Variants in ARHGAP18 observed in about 807,000 individuals in gnomAD.
The protein encoded by ARHGAP18 is rho GTPase-activating protein 18.
A neutral mutation model predicts 86.2 loss-of-function variants in ARHGAP18; 67 were observed. That is an observed-to-expected ratio of 0.78 (90% CI 0.64 to 0.95). The LOEUF is 0.95. Ranked by LOEUF, ARHGAP18 falls within the 40% of genes least tolerant of loss-of-function variation. ARHGAP18 has a pLI of 0.00. For synonymous variants in ARHGAP18, 283 were observed against 280.4 expected, an observed-to-expected ratio of 1.01 and a Z score of -0.09; for missense variants, 691 against 780.4, an observed-to-expected ratio of 0.89 and a Z score of 1.37.
intron 5 of ARHGAP18, among the ~76,000 whole-genome samples, chr6:129,621,274 G>A (rs890740061): frequency 6.6e-6 from 1 of 152,144 alleles, no homozygotes; most frequent in African/African-American, 2.4e-5. Context: ...ATGACTTTTA[G>A]TAAGTGAGAA....
At chr6:129,646,544 C>T (rs972167839) in intron 1 of ARHGAP18, among the ~76,000 whole-genome samples, 30 of 152,130 alleles carry the variant, frequency 2.0e-4, no homozygotes, top group African/African-American at 6.7e-4. Context: ...TAATATTAAA[C>T]GCAGAAACAA....
intron 1 of ARHGAP18, among the ~76,000 whole-genome samples, chr6:129,652,231 G>C (rs1217984197): frequency 2.0e-5 from 3 of 152,176 alleles, no homozygotes; most frequent in Non-Finnish European, 4.4e-5. Flanking sequence ...TATTAAAGTT[G>C]TTCTTTCCCA....
intron 12 of ARHGAP18, among the ~76,000 whole-genome samples, chr6:129,598,072 T>C (rs374479041): frequency 2.0e-5 from 3 of 152,150 alleles, no homozygotes; most frequent in South Asian, 4.1e-4. Context: ...AGTCACTTAA[T>C]ATGAATAAGA....
chr6:129,625,143 T>G (rs376799316), intron 5 of ARHGAP18, among the ~76,000 whole-genome samples: 2,416 of 17,208 alleles, frequency 0.14, 468 homozygotes, highest in Middle Eastern at 0.33. Flanking sequence ...TGATATATAT[T>G]ATATATTATA....
chr6:129,620,052 G>A lies in ARHGAP18; in HGVS notation c.787-1200C>T, dbSNP rs185964075. 4.1e-4 allele frequency among the ~76,000 whole-genome samples: 63 copies of A among 152,240 alleles called. No individual in the cohort carries two copies. In the South Asian group the frequency reaches 0.011, roughly 26 times the overall value. ...CCCAGCACTGCCCAAGTGCTTTTAT[G>A]TGGTTGCTACTGCAGGTTGAGTACA... On this transcript the variant is annotated intron_variant, in intron 5 of 14. Transcript: ENST00000368149.
intron 1 of ARHGAP18, among the ~76,000 whole-genome samples, chr6:129,658,250 C>A (rs1159346772): frequency 6.6e-6 from 1 of 152,310 alleles, no homozygotes; most frequent in Admixed American, 6.5e-5. Context: ...ATTTCACCTG[C>A]CACTTTGCCT....
chr6:129,689,258 C>T lies in ARHGAP18; in HGVS notation c.113+20766G>A, dbSNP rs867677859. On this transcript the variant is annotated intron_variant, in intron 1 of 14. Coordinates refer to ENST00000368149, the MANE Select transcript of ARHGAP18 (RefSeq NM_033515.3). ...CCCTCTCACATGAGGATAAGAGAAACCAGCATGTATTATTTTTTTGGTTGC... is the reference window on the plus strand; with the variant it reads ...CCCTCTCACATGAGGATAAGAGAAATCAGCATGTATTATTTTTTTGGTTGC... Among the ~76,000 whole-genome samples, 23 of 152,172 alleles carry T rather than the reference C, an allele frequency of 1.5e-4. No homozygotes were observed. The South Asian group carries it at 4.1e-3, about 27-fold the overall frequency.
intron 1 of ARHGAP18, among the ~76,000 whole-genome samples, chr6:129,682,771 T>C (rs974010972): frequency 9.8e-5 from 15 of 152,288 alleles, no homozygotes; most frequent in South Asian, 4.1e-4. Flanking sequence ...TAGTCTAAGA[T>C]GGATAGAGTA....
intron 1 of ARHGAP18, among the ~76,000 whole-genome samples, chr6:129,688,067 GA>G (rs1774462621): frequency 6.6e-6 from 1 of 152,182 alleles, no homozygotes; most frequent in African/African-American, 2.4e-5. Flanking sequence ...AGACATGGAT[GA>G]AAAGAAATCC....
At position 129,608,048 on chromosome 6, in the gene ARHGAP18, A is replaced by C; in HGVS notation, c.1127T>G (p.Leu376Arg). The change falls in exon 9 of 15, where the codon CTT becomes CGT. Residue 376 changes from leucine (L) to arginine (R), a missense_variant. By Grantham distance (102) the Leu-to-Arg change is moderately radical. Transcript: ENST00000368149. ...IPGAAIRIKN[L>R]CQELEAKFYE... is the part of the protein sequence containing the mutation. ...AAACTTTGCTTCTAGTTCTTGGCAA[A>C]GATTCTGATAGGCACGAAAAAAAAA... 7.5e-7 allele frequency: 1 copy of C among 1,332,482 alleles called. No individual in the cohort carries two copies. The highest frequency in any genetic ancestry group is 1.0e-6 in the Non-Finnish European group (1 of 955,884). The allele number at this position is 1,332,482 out of a possible 1,614,324, so 82.5% of individuals were successfully genotyped here.
At chr6:129,669,121 C>T (rs1003676278) in intron 1 of ARHGAP18, among the ~76,000 whole-genome samples, 4 of 152,058 alleles carry the variant, frequency 2.6e-5, no homozygotes, top group Non-Finnish European at 5.9e-5. Context: ...AGGCACTACT[C>T]TCCTCTGTGG....
At chr6:129,609,073 G>C (rs1788921023) in intron 8 of ARHGAP18, among the ~76,000 whole-genome samples, 1 of 145,296 alleles carries the variant, frequency 6.9e-6, no homozygotes, top group Non-Finnish European at 1.5e-5. Flanking sequence ...AGGAAGAGGA[G>C]AGAGAGGGGG....
At position 129,577,735 on chromosome 6, in the gene ARHGAP18, G is replaced by C. The variant is rs931752827; in HGVS notation, c.*778C>G. 3.9e-5 allele frequency: 6 copies of C among 152,160 alleles called. No individual in the cohort carries two copies. The highest frequency in any genetic ancestry group is 1.4e-4 in the African/African-American group (6 of 41,436). The allele number at this position is 152,160 out of a possible 1,614,324, so 9.4% of individuals were successfully genotyped here. On this transcript the variant is annotated 3_prime_UTR_variant, in exon 15 of 15. Transcript: ENST00000368149. ...TTTAGAAGAGTACAGTAGACAGAAA[G>C]TGCTTTGGCTTTCACTCTCTTGTTA...
At chr6:129,579,391 C>T (rs183552691) in intron 14 of ARHGAP18, among the ~76,000 whole-genome samples, 2 of 152,056 alleles carry the variant, frequency 1.3e-5, no homozygotes, top group Non-Finnish European at 1.5e-5. Context: ...AAACACCCTA[C>T]AAAATTTATT....
At chr6:129,667,108 T>C (rs758634435) in intron 1 of ARHGAP18, among the ~76,000 whole-genome samples, 2 of 151,848 alleles carry the variant, frequency 1.3e-5, no homozygotes, top group African/African-American at 2.4e-5. Context: ...TATAAACTCA[T>C]TTTTTTTAAT....
At chr6:129,670,943 C>A (rs1265154627) in intron 1 of ARHGAP18, among the ~76,000 whole-genome samples, 1 of 152,140 alleles carries the variant, frequency 6.6e-6, no homozygotes, top group East Asian at 1.9e-4. Context: ...TTTAACACTT[C>A]CCAGTACTAA....
chr6:129,614,690 G>A (rs550651627), intron 7 of ARHGAP18, among the ~76,000 whole-genome samples: 33 of 151,980 alleles, frequency 2.2e-4, no homozygotes, highest in Admixed American at 3.9e-4. Context: ...TGCCAATTTG[G>A]CTAGGCCATA....
intron 12 of ARHGAP18, among the ~76,000 whole-genome samples, chr6:129,590,394 T>TA (rs1010444802): frequency 1.3e-5 from 2 of 152,152 alleles, no homozygotes; most frequent in African/African-American, 4.8e-5. Context: ...AGAGTTTTAA[T>TA]AGAGAGTCCC....
intron 1 of ARHGAP18, among the ~76,000 whole-genome samples, chr6:129,700,391 A>C (rs917207141): frequency 2.6e-5 from 4 of 152,242 alleles, no homozygotes; most frequent in African/African-American, 9.6e-5. Flanking sequence ...AAAGGTATTC[A>C]AAACAGTCAC....
Sources: allele counts gnomAD v4.1 joint callset (sites outside exome capture counted in the v4.1 genomes callset), GRCh38; gene constraint gnomAD v4.1.1; transcripts MANE v1.5; gene names NCBI Gene and HGNC (gene_info 2026-07-23, HGNC 2026-07-21).